Variants in PACRGL observed in about 807,000 individuals in gnomAD.
PACRGL encodes parkin coregulated like.
Under a neutral mutation model 34.5 loss-of-function variants are expected in PACRGL, and 38 were observed. That is an observed-to-expected ratio of 1.10 (90% CI 0.85 to 1.44). PACRGL has a LOEUF of 1.44. PACRGL is among the 40% of genes most tolerant of loss of function. PACRGL has a pLI of 0.00. For missense variants in PACRGL, 305 were observed against 281.4 expected (o/e 1.08, Z -0.60); for synonymous variants, 128 against 100.1 (o/e 1.28, Z -1.66).
the PACRGL span, among the ~76,000 whole-genome samples, chr4:20,763,051 A>C: frequency 1.3e-5 from 2 of 152,058 alleles, no homozygotes; most frequent in Non-Finnish European, 2.9e-5. Context: ...AGCATGGGGG[A>C]ACTGCCTCCA....
rs148070373 is a variant in PACRGL at position 20,740,383 on chromosome 4, G to A, written c.*57-12182G>A. ...CCATCAGACTAACAGCGGAACTCTC[G>A]GCAGAAACTTTACAAGCCAGAAGAG... is the stretch of plus-strand genomic sequence containing the variant. On this transcript the variant is annotated intron_variant, in intron 8 of 8. Coordinates refer to the PACRGL transcript ENST00000507634. Among the ~76,000 whole-genome samples the A allele has an allele frequency of 1.6e-3, 237 of 152,250 alleles. 5 individuals are homozygous for A. In the East Asian group the frequency reaches 0.027, roughly 17 times the overall value.
At chr4:20,760,424 C>T in the PACRGL span, among the ~76,000 whole-genome samples, 7 of 152,130 alleles carry the variant, frequency 4.6e-5, no homozygotes, top group African/African-American at 1.7e-4. Context: ...ATCATTGTTC[C>T]CTCACTAATA....
chr4:20,723,177 T>C (rs1175098149), intron 7 of PACRGL, among the ~76,000 whole-genome samples: 2 of 152,222 alleles, frequency 1.3e-5, no homozygotes, highest in Admixed American at 6.5e-5. Flanking sequence ...AGGAGTCTTA[T>C]GACAGAAGAA....
Position 20,731,662 on chromosome 4 carries a change from A to G in PACRGL, c.*4321A>G. The G allele has an allele frequency of 2.0e-6, 2 of 985,122 alleles. No homozygotes were observed. The highest frequency in any genetic ancestry group is 4.7e-5 in the South Asian group (1 of 21,276). The allele number at this position is 985,122 out of a possible 1,614,324, so 61.0% of individuals were successfully genotyped here. A position where few individuals can be genotyped will look rare whatever the true frequency, so the allele number is the denominator to read the frequency against. Reference sequence around the variant, plus strand: ...TTCTAATGCTGTGGAGATATGATAGATAATATATGAGTGATGCTAAGTTTT... The same window carrying G: ...TTCTAATGCTGTGGAGATATGATAGGTAATATATGAGTGATGCTAAGTTTT... On this transcript the variant is annotated 3_prime_UTR_variant, in exon 9 of 9. Coordinates refer to ENST00000503585, the MANE Select transcript of PACRGL (RefSeq NM_001258345.3).
intron 1 of PACRGL, chr4:20,701,838 A>T (rs1732312399): frequency 2.2e-6 from 1 of 456,490 alleles, no homozygotes; most frequent in African/African-American, 2.0e-5. Flanking sequence ...AAATCTATAG[A>T]TGTGGAACCC....
At chr4:20,710,725 A>G (rs745649899) in intron 5 of PACRGL, among the ~76,000 whole-genome samples, 1 of 152,298 alleles carries the variant, frequency 6.6e-6, no homozygotes, top group African/African-American at 2.4e-5. Context: ...TGAAACATCA[A>G]AATCTCTGGT....
chr4:20,730,515 C>T lies in PACRGL; in HGVS notation c.*3174C>T, dbSNP rs1174121657. Among the ~76,000 whole-genome samples the T allele has an allele frequency of 2.0e-5, 3 of 152,088 alleles. No individual in the cohort carries two copies. The highest frequency in any genetic ancestry group is 4.4e-5 in the Non-Finnish European group (3 of 68,032). Reference sequence around the variant, plus strand: ...AGGCCAAATCACACAGACTTTTATACAGGTACAAGGAAAATTTGTGTGTAT... The same window carrying T: ...AGGCCAAATCACACAGACTTTTATATAGGTACAAGGAAAATTTGTGTGTAT... On this transcript the variant is annotated 3_prime_UTR_variant, in exon 9 of 9. Transcript: ENST00000503585.
chr4:20,709,032 G>A (rs1416676079), intron 4 of PACRGL, among the ~76,000 whole-genome samples: 6 of 152,098 alleles, frequency 3.9e-5, no homozygotes, highest in Admixed American at 6.5e-5. Flanking sequence ...CCAGCTACTG[G>A]GGAGGCTTAG....
downstream of PACRGL, among the ~76,000 whole-genome samples, chr4:20,737,091 G>A (rs1245940216): frequency 6.6e-6 from 1 of 152,168 alleles, no homozygotes; most frequent in Non-Finnish European, 1.5e-5. Flanking sequence ...TGTGGCAACT[G>A]GATCACCATA....
chr4:20,713,341 C>G (rs980922894), intron 6 of PACRGL, 91 bp from the exon 7 acceptor site: 15 of 898,554 alleles, frequency 1.7e-5, no homozygotes, highest in Non-Finnish European at 2.6e-5. Flanking sequence ...CTTTTCTCTA[C>G]TTGCTTGCCC....
downstream of PACRGL, among the ~76,000 whole-genome samples, chr4:20,754,868 G>A (rs1754239759): frequency 6.6e-6 from 1 of 152,112 alleles, no homozygotes; most frequent in Non-Finnish European, 1.5e-5. Flanking sequence ...TGAAATGATT[G>A]AAAAATAACT....
chr4:20,734,815 G>A, downstream of PACRGL: 1 of 705,696 alleles, frequency 1.4e-6, no homozygotes, highest in Non-Finnish European at 2.3e-6. Context: ...GTAAGTAAGG[G>A]CTACAACCCT....
At chr4:20,701,995 T>A in intron 1 of PACRGL, 2 of 448,436 alleles carry the variant, frequency 4.5e-6, no homozygotes, top group Non-Finnish European at 4.5e-6. Context: ...TGTTTAATGC[T>A]GAAAATTATA....
intron 7 of PACRGL, among the ~76,000 whole-genome samples, chr4:20,714,408 G>C (rs1308519679): frequency 6.6e-6 from 1 of 152,100 alleles, no homozygotes; most frequent in Non-Finnish European, 1.5e-5. Flanking sequence ...ATGTGAGATG[G>C]ATTTCCTGAA....
At chr4:20,699,041 T>A (rs1047292065), upstream of PACRGL, among the ~76,000 whole-genome samples, 4 of 152,182 alleles carry the variant, frequency 2.6e-5, no homozygotes, top group Non-Finnish European at 5.9e-5. Context: ...TTGTCATTCC[T>A]CTGCGATACT....
rs59189281 is a variant in PACRGL, at chr4:20,727,652, TAAC to T, written c.*316_*318del. 104,653 of 219,822 alleles carry T rather than the reference TAAC, an allele frequency of 0.48. 26,210 individuals carry two copies. The highest frequency in any genetic ancestry group is 0.58 in the Middle Eastern group (342 of 586). 13.6% of individuals were successfully genotyped at this position (219,822 alleles called of 1,614,324 possible). A position where few individuals can be genotyped will look rare whatever the true frequency, so the allele number is the denominator to read the frequency against. ...GTATTTTCTAGTGTCTTTTTATTTA[TAAC>T]AACACTTTTTTGGCAATCAGTTTGT... On this transcript the variant is annotated 3_prime_UTR_variant, in exon 9 of 9. Coordinates refer to ENST00000503585, the MANE Select transcript of PACRGL (RefSeq NM_001258345.3).
intron 4 of PACRGL, 61 bp downstream of exon 4, chr4:20,707,931 C>A: frequency 1.6e-6 from 2 of 1,230,724 alleles, no homozygotes; most frequent in Non-Finnish European, 2.4e-6. Context: ...AAAATGAATA[C>A]AATATTTAGT....
downstream of PACRGL, among the ~76,000 whole-genome samples, chr4:20,737,340 T>C (rs1194858024): frequency 6.6e-6 from 1 of 152,058 alleles, no homozygotes; most frequent in Non-Finnish European, 1.5e-5. Context: ...AACATGGAGG[T>C]CACCAGCAAG....
intron 8 of PACRGL, among the ~76,000 whole-genome samples, chr4:20,738,511 T>C (rs1334204440): frequency 6.6e-6 from 1 of 152,146 alleles, no homozygotes; most frequent in Non-Finnish European, 1.5e-5. Context: ...CTTCCAGGGA[T>C]CACACTTTGA....
Sources: allele counts gnomAD v4.1 joint callset (sites outside exome capture counted in the v4.1 genomes callset), GRCh38; gene constraint gnomAD v4.1.1; transcripts MANE v1.5; gene names NCBI Gene and HGNC (gene_info 2026-07-23, HGNC 2026-07-21).